EEIG2: variants seen among roughly 807,000 people sequenced by gnomAD.
The protein encoded by EEIG2 is EEIG family member 2.
At chr1:108,583,854 AC>A in the EEIG2 span, among the ~76,000 whole-genome samples, 2 of 152,108 alleles carry the variant, frequency 1.3e-5, no homozygotes, top group Non-Finnish European at 2.9e-5. Flanking sequence ...GTAGAAAAAG[AC>A]CTAATTAGGG....
At chr1:108,573,233 AG>A in the EEIG2 span, among the ~76,000 whole-genome samples, 1 of 152,354 alleles carries the variant, frequency 6.6e-6, no homozygotes, top group East Asian at 1.9e-4. Flanking sequence ...AAATAAATAA[AG>A]ATCAGAAAAG....
chr1:108,594,489 T>C, the EEIG2 span, among the ~76,000 whole-genome samples: 1 of 152,222 alleles, frequency 6.6e-6, no homozygotes, highest in Non-Finnish European at 1.5e-5. Flanking sequence ...CCTTTCCTGC[T>C]GAGTGACCTT....
the EEIG2 span, chr1:108,600,432 C>T: frequency 9.0e-6 from 9 of 995,906 alleles, no homozygotes; most frequent in Non-Finnish European, 1.3e-5. Context: ...TGCTTCCTTC[C>T]TGCTACACTG....
the EEIG2 span, among the ~76,000 whole-genome samples, chr1:108,631,613 A>T: frequency 6.6e-6 from 1 of 152,174 alleles, no homozygotes; most frequent in Non-Finnish European, 1.5e-5. Context: ...AACAAATAGA[A>T]TGAGTTTATA....
chr1:108,623,621 T>C, the EEIG2 span, among the ~76,000 whole-genome samples: 4 of 152,268 alleles, frequency 2.6e-5, no homozygotes, highest in African/African-American at 9.6e-5. Flanking sequence ...TGTATCAAAA[T>C]ATCTCATGTA....
the EEIG2 span, among the ~76,000 whole-genome samples, chr1:108,561,812 G>A: frequency 6.6e-6 from 1 of 152,212 alleles, no homozygotes. Flanking sequence ...AGCCTAAGCC[G>A]ATTCGTGAAG....
chr1:108,579,793 G>GAGAGAGAGAA, the EEIG2 span, among the ~76,000 whole-genome samples: 1 of 150,382 alleles, frequency 6.6e-6, no homozygotes, highest in Non-Finnish European at 1.5e-5. Context: ...GAGAGAGAGA[G>GAGAGAGAGAA]AGAAAGAAAC....
chr1:108,612,390 C>CT, the EEIG2 span: 2 of 787,308 alleles, frequency 2.5e-6, no homozygotes, highest in Non-Finnish European at 4.1e-6. Flanking sequence ...TGAATCAGTG[C>CT]TGATATGATA....
chr1:108,583,926 G>A, the EEIG2 span, among the ~76,000 whole-genome samples: 3 of 152,260 alleles, frequency 2.0e-5, no homozygotes, highest in African/African-American at 4.8e-5. Flanking sequence ...TGGAAAGTAC[G>A]TTAGAGGACA....
the EEIG2 span, chr1:108,612,360 A>G: frequency 5.6e-6 from 6 of 1,070,164 alleles, no homozygotes; most frequent in African/African-American, 6.3e-5. Flanking sequence ...GCGTATGTAT[A>G]TATTGTCAAG....
chr1:108,614,572 T>C, the EEIG2 span, among the ~76,000 whole-genome samples: 1 of 152,156 alleles, frequency 6.6e-6, no homozygotes, highest in Non-Finnish European at 1.5e-5. Flanking sequence ...TCATAGACTT[T>C]ACCTGCCTCT....
the EEIG2 span, among the ~76,000 whole-genome samples, chr1:108,601,437 C>T: frequency 2.0e-5 from 3 of 151,722 alleles, no homozygotes; most frequent in Admixed American, 2.0e-4. Flanking sequence ...GTCAGAATAC[C>T]ATTGCCATGG....
At chr1:108,630,397 G>A in the EEIG2 span, among the ~76,000 whole-genome samples, 2 of 152,112 alleles carry the variant, frequency 1.3e-5, no homozygotes, top group African/African-American at 4.8e-5. Flanking sequence ...GAGACAGGAA[G>A]GGGAACATCA....
At chr1:108,600,487 T>C in the EEIG2 span, 2 of 1,510,288 alleles carry the variant, frequency 1.3e-6, no homozygotes, top group Non-Finnish European at 1.8e-6. Flanking sequence ...CATGTTAGAC[T>C]TGAGTGAAAG....
the EEIG2 span, among the ~76,000 whole-genome samples, chr1:108,629,361 A>G: frequency 2.0e-5 from 3 of 152,358 alleles, no homozygotes; most frequent in Admixed American, 6.5e-5. Flanking sequence ...AGGAAGAGCT[A>G]TCTCCATTAC....
At chr1:108,580,139 A>C in the EEIG2 span, among the ~76,000 whole-genome samples, 3 of 152,084 alleles carry the variant, frequency 2.0e-5, no homozygotes, top group Non-Finnish European at 4.4e-5. Context: ...GCAGCATTTC[A>C]AACTTTTTCA....
the EEIG2 span, among the ~76,000 whole-genome samples, chr1:108,569,302 A>T: frequency 6.6e-6 from 1 of 152,162 alleles, no homozygotes; most frequent in Non-Finnish European, 1.5e-5. Context: ...CGTTAGGAGG[A>T]TGGGTCATCT....
chr1:108,598,311 GC>G, the EEIG2 span, among the ~76,000 whole-genome samples: 1 of 145,936 alleles, frequency 6.9e-6, no homozygotes, highest in East Asian at 2.0e-4. Context: ...TCCAGCCTGG[GC>G]GACAGAGCAA....
the EEIG2 span, among the ~76,000 whole-genome samples, chr1:108,568,878 C>G: frequency 2.0e-5 from 3 of 152,144 alleles, no homozygotes; most frequent in Non-Finnish European, 4.4e-5. Flanking sequence ...AGCACCATGC[C>G]ACATCCAGCC....
Sources: allele counts gnomAD v4.1 joint callset (sites outside exome capture counted in the v4.1 genomes callset), GRCh38; gene constraint gnomAD v4.1.1; transcripts MANE v1.5; gene names NCBI Gene and HGNC (gene_info 2026-07-23, HGNC 2026-07-21).